Variants in KCNH7 observed in about 807,000 individuals in gnomAD.
KCNH7 encodes the protein voltage-gated inwardly rectifying potassium channel KCNH7.
KCNH7 carries 49 observed loss-of-function variants against 120.8 expected under a neutral mutation model. The ratio of observed to expected loss-of-function variants is 0.41; its 90% CI spans 0.32 to 0.51. The LOEUF (loss-of-function observed/expected upper bound fraction) is 0.51, where lower values mean the gene tolerates loss of function less well. Ranked by LOEUF, KCNH7 falls within the 20% of genes least tolerant of loss-of-function variation. The pLI is 0.38. For missense variants in KCNH7, 1,097 were observed against 1,446.6 expected (o/e 0.76, Z 3.92); for synonymous variants, 547 against 516.1 (o/e 1.06, Z -0.81).
chr2:162,715,709 C>A lies in KCNH7; in HGVS notation c.307+120828G>T, dbSNP rs568031439. On this transcript the variant is annotated intron_variant, in intron 2 of 15. Transcript: ENST00000332142. The stretch of plus-strand genomic sequence containing the variant: ...GTTGTGATATTGTACTACAGTTTTG[C>A]AAGTTGTTCCCATGGGGGGAATTAG... 2.0e-5 allele frequency among the ~76,000 whole-genome samples: 3 copies of A among 152,232 alleles called. No homozygotes were observed. In the South Asian group the frequency reaches 6.2e-4, roughly 32 times the overall value.
chr2:162,757,097 T>C (rs1364628779), intron 2 of KCNH7, among the ~76,000 whole-genome samples: 1 of 152,204 alleles, frequency 6.6e-6, no homozygotes, highest in Non-Finnish European at 1.5e-5. Flanking sequence ...ATTTTTTCTA[T>C]GTTTAATTTT....
intron 2 of KCNH7, among the ~76,000 whole-genome samples, chr2:162,621,279 A>ATTTTTTTTTTT: frequency 4.9e-5 from 1 of 20,442 alleles, no homozygotes; most frequent in Admixed American, 8.1e-4. Context: ...TTTTTTTTTA[A>ATTTTTTTTTTT]GAGAGAGAAT....
chr2:162,546,669 A>G (rs1692490828), intron 2 of KCNH7, among the ~76,000 whole-genome samples: 1 of 152,126 alleles, frequency 6.6e-6, no homozygotes, highest in African/African-American at 2.4e-5. Flanking sequence ...ATTGTGCTCT[A>G]TGTTTATAGC....
intron 6 of KCNH7, among the ~76,000 whole-genome samples, chr2:162,460,083 G>A: frequency 7.9e-6 from 1 of 126,798 alleles, no homozygotes; most frequent in Non-Finnish European, 1.6e-5. Context: ...GACAGAGTGA[G>A]ACTCCATCTC....
intron 2 of KCNH7, among the ~76,000 whole-genome samples, chr2:162,724,469 G>C (rs1687443703): frequency 6.6e-6 from 1 of 151,666 alleles, no homozygotes; most frequent in Admixed American, 6.6e-5. Context: ...TCAGGAGATT[G>C]AGACCATCCC....
chr2:162,737,167 A>T (rs755231109), intron 2 of KCNH7, among the ~76,000 whole-genome samples: 1 of 152,150 alleles, frequency 6.6e-6, no homozygotes, highest in Non-Finnish European at 1.5e-5. Flanking sequence ...GGTAGTTCCA[A>T]GCACCTCTGG....
chr2:162,656,615 C>T (rs1368098072), intron 2 of KCNH7, among the ~76,000 whole-genome samples: 1 of 152,148 alleles, frequency 6.6e-6, no homozygotes. Flanking sequence ...TATGAGACTG[C>T]ACCCAGGGTA....
At chr2:162,627,119 T>A (rs1375537780) in intron 2 of KCNH7, among the ~76,000 whole-genome samples, 1 of 152,178 alleles carries the variant, frequency 6.6e-6, no homozygotes, top group Non-Finnish European at 1.5e-5. Flanking sequence ...GTGTATCCTC[T>A]CACATTTTGC....
chr2:162,506,125 G>A (rs1452774949), intron 5 of KCNH7, among the ~76,000 whole-genome samples: 1 of 151,790 alleles, frequency 6.6e-6, no homozygotes, highest in African/African-American at 2.4e-5. Context: ...TATCCATGAC[G>A]ATGACCAAGT....
chr2:162,656,249 T>G (rs914099076), intron 2 of KCNH7, among the ~76,000 whole-genome samples: 2 of 152,198 alleles, frequency 1.3e-5, no homozygotes, highest in African/African-American at 4.8e-5. Flanking sequence ...ATCCACTGAC[T>G]TGTTTCTATA....
intron 2 of KCNH7, among the ~76,000 whole-genome samples, chr2:162,571,200 C>T (rs10191576): frequency 0.52 from 77,900 of 151,134 alleles, 20,319 homozygotes; most frequent in Middle Eastern, 0.61. Context: ...CAGAAAGTCT[C>T]ACGATACAAA....
chr2:162,553,878 A>C (rs1413711055), intron 2 of KCNH7, among the ~76,000 whole-genome samples: 1 of 152,224 alleles, frequency 6.6e-6, no homozygotes, highest in African/African-American at 2.4e-5. Flanking sequence ...TAGGTAGTAC[A>C]TTTTATAAAT....
At chr2:162,540,417 C>T (rs942353910) in intron 2 of KCNH7, among the ~76,000 whole-genome samples, 1 of 152,044 alleles carries the variant, frequency 6.6e-6, no homozygotes, top group Admixed American at 6.6e-5. Flanking sequence ...AGCAAGCAAA[C>T]TCAAGGTAAT....
chr2:162,674,752 C>T (rs560512448), intron 2 of KCNH7, among the ~76,000 whole-genome samples: 17 of 151,500 alleles, frequency 1.1e-4, no homozygotes, highest in African/African-American at 4.1e-4. Context: ...AAAAGACAGA[C>T]CATTTTACTC....
chr2:162,619,790 T>G (rs1683282361), intron 2 of KCNH7, among the ~76,000 whole-genome samples: 1 of 152,106 alleles, frequency 6.6e-6, no homozygotes, highest in Non-Finnish European at 1.5e-5. Flanking sequence ...CTACAAGACC[T>G]TGCTCCAAAA....
intron 6 of KCNH7, among the ~76,000 whole-genome samples, chr2:162,479,806 T>A (rs1489794374): frequency 6.6e-6 from 1 of 152,136 alleles, no homozygotes; most frequent in Non-Finnish European, 1.5e-5. Flanking sequence ...AGAAGCATTG[T>A]GGAGAATCCC....
At chr2:162,825,983 T>C (rs1016510676) in intron 2 of KCNH7, among the ~76,000 whole-genome samples, 1 of 148,094 alleles carries the variant, frequency 6.8e-6, no homozygotes, top group African/African-American at 2.5e-5. Flanking sequence ...TATTTTCTAA[T>C]GTTTCAACAG....
chr2:162,605,471 G>A (rs1040961957), intron 2 of KCNH7, among the ~76,000 whole-genome samples: 2 of 152,044 alleles, frequency 1.3e-5, no homozygotes, highest in Non-Finnish European at 2.9e-5. Context: ...TCTTGTTTTA[G>A]CAGCTATCAG....
intron 9 of KCNH7, among the ~76,000 whole-genome samples, chr2:162,400,807 A>G (rs1687044844): frequency 6.6e-6 from 1 of 151,938 alleles, no homozygotes; most frequent in Non-Finnish European, 1.5e-5. Flanking sequence ...GAAAGGTGGT[A>G]CAACTAGAAA....
Sources: allele counts gnomAD v4.1 joint callset (sites outside exome capture counted in the v4.1 genomes callset), GRCh38; gene constraint gnomAD v4.1.1; transcripts MANE v1.5; gene names NCBI Gene and HGNC (gene_info 2026-07-23, HGNC 2026-07-21).